The following SHLD1 variants were observed in gnomAD, a reference collection of about 807,000 sequenced individuals.
SHLD1 encodes RINN1-REV7-interacting novel NHEJ regulator 3.
Under a neutral mutation model 5.5 loss-of-function variants are expected in SHLD1, and 3 were observed. That is an observed-to-expected ratio of 0.54 (90% CI 0.25 to 1.40). SHLD1 has a LOEUF of 1.40. Ranked by LOEUF, SHLD1 falls within the 40% of genes most tolerant of loss-of-function variation. The pLI, the probability that SHLD1 is intolerant of heterozygous loss-of-function variation, is 0.15. For synonymous variants in SHLD1, 92 were observed against 94.3 expected, an observed-to-expected ratio of 0.98 and a Z score of 0.14; for missense variants, 210 against 244.4, an observed-to-expected ratio of 0.86 and a Z score of 0.94.
chr20:5,780,127 C>T (rs1055406344), intron 2 of SHLD1, among the ~76,000 whole-genome samples: 3 of 151,772 alleles, frequency 2.0e-5, no homozygotes, highest in Non-Finnish European at 4.4e-5. Flanking sequence ...TACAGGGGTG[C>T]ACCACCACAC....
intron 2 of SHLD1, among the ~76,000 whole-genome samples, chr20:5,775,947 A>ATTTTTTTTTTTTC (rs1985408588): frequency 4.3e-5 from 1 of 23,218 alleles, no homozygotes; most frequent in Non-Finnish European, 7.8e-5. Context: ...TTTTTTTTTG[A>ATTTTTTTTTTTTC]GATGGAGTCT....
intron 1 of SHLD1, among the ~76,000 whole-genome samples, chr20:5,758,607 T>TG (rs1984275114): frequency 1.3e-5 from 2 of 151,562 alleles, no homozygotes; most frequent in South Asian, 2.1e-4. Context: ...TTAGTAGAGA[T>TG]GGGGGGTTTC....
intron 2 of SHLD1, among the ~76,000 whole-genome samples, chr20:5,801,758 C>G (rs1305536107): frequency 6.6e-6 from 1 of 152,126 alleles, no homozygotes; most frequent in Non-Finnish European, 1.5e-5. Context: ...TTAGAGTACT[C>G]TCACAGGAAT....
intron 2 of SHLD1, among the ~76,000 whole-genome samples, chr20:5,782,200 C>T (rs1484100484): frequency 1.3e-5 from 2 of 152,144 alleles, no homozygotes; most frequent in Non-Finnish European, 2.9e-5. Flanking sequence ...TTTTCTTTCT[C>T]GTTTGCTGCT....
At position 5,817,842 on chromosome 20, in the gene SHLD1, G is replaced by A. The variant is rs139434234; in HGVS notation, c.178+44799G>A. Among the ~76,000 whole-genome samples the A allele has an allele frequency of 4.8e-4, 73 of 152,296 alleles. No homozygotes were observed. In the East Asian group the frequency reaches 0.014, roughly 29 times the overall value. The stretch of plus-strand genomic sequence containing the variant: ...TTCCAGGCACCTGAAACTGATCTCT[G>A]TCTCTTTGCTGAGGAAACTGCTGTG... On this transcript the variant is annotated intron_variant, in intron 2 of 2. Transcript: ENST00000303142.
intron 2 of SHLD1, among the ~76,000 whole-genome samples, chr20:5,805,301 G>T (rs1202867819): frequency 6.6e-6 from 1 of 152,016 alleles, no homozygotes; most frequent in African/African-American, 2.4e-5. Context: ...GGGATTACAG[G>T]CATGTGCCAC....
chr20:5,778,749 T>C (rs1985556040), intron 2 of SHLD1, among the ~76,000 whole-genome samples: 1 of 152,170 alleles, frequency 6.6e-6, no homozygotes, highest in Admixed American at 6.6e-5. Flanking sequence ...TAACACCATC[T>C]CTAGTAGATC....
rs753731829 is a variant in SHLD1, at chr20:5,772,871, A to C, written c.6A>C (p.Ala2=). The C allele has an allele frequency of 5.6e-6, 9 of 1,612,194 alleles. No individual in the cohort carries two copies. The highest frequency in any genetic ancestry group is 6.8e-6 in the Non-Finnish European group (8 of 1,178,972). The change falls in exon 2 of 3, where the codon GCA becomes GCC. Residue 2 remains alanine (A), a synonymous_variant. Transcript: ENST00000303142. M[A]ARDATSGSLS... ...CTTTTTTCCATGGCAGGACTATGGC[A>C]GCCAGGGACGCCACTTCAGGCAGCC...
chr20:5,790,048 C>T (rs1406745541), intron 2 of SHLD1, among the ~76,000 whole-genome samples: 1 of 152,186 alleles, frequency 6.6e-6, no homozygotes, highest in African/African-American at 2.4e-5. Flanking sequence ...CTGTGGCAAG[C>T]ATGCACATGT....
chr20:5,808,797 A>G (rs1395741473), intron 2 of SHLD1, among the ~76,000 whole-genome samples: 1 of 152,266 alleles, frequency 6.6e-6, no homozygotes, highest in African/African-American at 2.4e-5. Flanking sequence ...ATTTAAGCAG[A>G]AAATATTTTA....
At chr20:5,804,140 A>C (rs2087340002) in intron 2 of SHLD1, among the ~76,000 whole-genome samples, 1 of 151,364 alleles carries the variant, frequency 6.6e-6, no homozygotes, top group Admixed American at 6.6e-5. Context: ...ACAAAACCTC[A>C]TCTCTACTAA....
intron 2 of SHLD1, among the ~76,000 whole-genome samples, chr20:5,825,885 G>A (rs1432025680): frequency 2.6e-5 from 4 of 152,240 alleles, no homozygotes; most frequent in African/African-American, 7.2e-5. Flanking sequence ...GACAGTGTAA[G>A]TTTTCATTCT....
chr20:5,766,920 C>A (rs950971614), intron 1 of SHLD1, among the ~76,000 whole-genome samples: 1 of 152,058 alleles, frequency 6.6e-6, no homozygotes, highest in African/African-American at 2.4e-5. Context: ...TTACTTCTTT[C>A]ATGCAAACAT....
intron 2 of SHLD1, among the ~76,000 whole-genome samples, chr20:5,829,349 A>G (rs1487714512): frequency 6.6e-6 from 1 of 152,224 alleles, no homozygotes; most frequent in Non-Finnish European, 1.5e-5. Flanking sequence ...GAGGTTTAAC[A>G]TTCTGACCAA....
intron 2 of SHLD1, among the ~76,000 whole-genome samples, chr20:5,836,874 A>G (rs1261792606): frequency 6.6e-6 from 1 of 152,256 alleles, no homozygotes; most frequent in Admixed American, 6.5e-5. Context: ...TACAAAATAT[A>G]GAGACCAAGA....
At chr20:5,786,538 G>T (rs553361525) in intron 2 of SHLD1, among the ~76,000 whole-genome samples, 1 of 152,088 alleles carries the variant, frequency 6.6e-6, no homozygotes, top group Non-Finnish European at 1.5e-5. Context: ...TCGTGCCACT[G>T]CACTTTAACC....
chr20:5,818,464 T>C (rs1568518122), intron 2 of SHLD1, among the ~76,000 whole-genome samples: 1 of 152,232 alleles, frequency 6.6e-6, no homozygotes. Context: ...CACTTAGATT[T>C]GTCTTGTAAC....
intron 2 of SHLD1, among the ~76,000 whole-genome samples, chr20:5,816,505 G>C (rs979171691): frequency 6.6e-6 from 1 of 152,214 alleles, no homozygotes; most frequent in Non-Finnish European, 1.5e-5. Context: ...GTCTTAAAAA[G>C]GAAGATTGTT....
intron 1 of SHLD1, among the ~76,000 whole-genome samples, chr20:5,765,966 G>T (rs1442864425): frequency 6.6e-6 from 1 of 151,302 alleles, no homozygotes; most frequent in African/African-American, 2.4e-5. Flanking sequence ...GATGTATTTG[G>T]CATTTAAGTG....
Sources: allele counts gnomAD v4.1 joint callset (sites outside exome capture counted in the v4.1 genomes callset), GRCh38; gene constraint gnomAD v4.1.1; transcripts MANE v1.5; gene names NCBI Gene and HGNC (gene_info 2026-07-23, HGNC 2026-07-21).